The following INTS4 variants were observed in gnomAD, a reference collection of about 807,000 sequenced individuals.
INTS4 encodes the protein integrator complex subunit 4.
In INTS4, 70 loss-of-function variants were observed where a neutral mutation model predicts 119.5. The observed-to-expected ratio is 0.59, with a 90% CI of 0.48 to 0.71. The LOEUF is 0.71. INTS4 is among the 30% of genes least tolerant of loss of function. INTS4 has a pLI of 0.00. For missense variants in INTS4, 867 were observed against 1,173.2 expected (o/e 0.74, Z 3.81); for synonymous variants, 316 against 419.6 (o/e 0.75, Z 3.02).
At chr11:77,933,981 G>A (rs1009970002) in intron 10 of INTS4, among the ~76,000 whole-genome samples, 3 of 152,180 alleles carry the variant, frequency 2.0e-5, no homozygotes, top group African/African-American at 4.8e-5. Context: ...GGATGGAGGG[G>A]TCGGATTGTT....
chr11:77,904,831 T>C (rs1401080934), intron 16 of INTS4, among the ~76,000 whole-genome samples: 4 of 152,216 alleles, frequency 2.6e-5, no homozygotes, highest in African/African-American at 9.6e-5. Flanking sequence ...TGCAGGATAG[T>C]TGCATCATGT....
intron 4 of INTS4, among the ~76,000 whole-genome samples, chr11:77,972,493 T>C (rs1054878247): frequency 4.6e-5 from 7 of 151,986 alleles, no homozygotes; most frequent in Non-Finnish European, 7.4e-5. Flanking sequence ...CACAGCTCAC[T>C]GCAACCTCCG....
chr11:77,976,680 T>A (rs1018114599), intron 4 of INTS4, among the ~76,000 whole-genome samples: 2 of 152,182 alleles, frequency 1.3e-5, no homozygotes, highest in South Asian at 4.1e-4. Context: ...CCAACCCAAA[T>A]GTCCAACAAT....
chr11:77,881,193 G>A (rs1043151842), intron 22 of INTS4, among the ~76,000 whole-genome samples: 2 of 152,184 alleles, frequency 1.3e-5, no homozygotes, highest in African/African-American at 4.8e-5. Flanking sequence ...CTCCTAGCAG[G>A]TTTATATTCT....
At chr11:77,885,800 A>T (rs1394009447) in intron 21 of INTS4, among the ~76,000 whole-genome samples, 1 of 152,040 alleles carries the variant, frequency 6.6e-6, no homozygotes, top group African/African-American at 2.4e-5. Flanking sequence ...AGCCTGGGTG[A>T]CAGAGTGAGA....
At chr11:77,914,579 G>A (rs1953163792) in intron 15 of INTS4, among the ~76,000 whole-genome samples, 1 of 152,126 alleles carries the variant, frequency 6.6e-6, no homozygotes, top group Non-Finnish European at 1.5e-5. Context: ...TTACAGCAGG[G>A]TCAGCAAATT....
Position 77,946,574 on chromosome 11 carries a change from C to T in INTS4, c.919-5323G>A, listed in dbSNP as rs577491331. Among the ~76,000 whole-genome samples the T allele has an allele frequency of 3.4e-4, 51 of 152,020 alleles. No homozygotes were observed. In the Middle Eastern group the frequency reaches 0.01, roughly 30 times the overall value. ...CTCAGGAGTTCAAGACCATTCTGGG[C>T]AACATGGCAAAACCCGTCTCTACAA... On this transcript the variant is annotated intron_variant, in intron 8 of 22. Coordinates refer to ENST00000534064, the MANE Select transcript of INTS4 (RefSeq NM_033547.4).
At chr11:77,982,504 G>A (rs1437302509) in intron 2 of INTS4, among the ~76,000 whole-genome samples, 2 of 152,096 alleles carry the variant, frequency 1.3e-5, no homozygotes, top group African/African-American at 4.8e-5. Context: ...GACTGTCTGA[G>A]TGTAAGTCTT....
intron 2 of INTS4, 133 bp downstream of exon 2, chr11:77,990,970 TCCATA>T (rs1856660178): frequency 1.5e-6 from 1 of 679,062 alleles, no homozygotes; most frequent in East Asian, 2.7e-5. Flanking sequence ...TATCTCGGTA[TCCATA>T]GTACCTAGCA....
chr11:77,931,608 C>A (rs1419057165), intron 10 of INTS4, among the ~76,000 whole-genome samples: 1 of 151,960 alleles, frequency 6.6e-6, no homozygotes, highest in Non-Finnish European at 1.5e-5. Flanking sequence ...TAGTATGGAA[C>A]CAAAAAAGGG....
At chr11:77,897,402 G>A (rs1176165380) in intron 18 of INTS4, among the ~76,000 whole-genome samples, 1 of 151,192 alleles carries the variant, frequency 6.6e-6, no homozygotes, top group African/African-American at 2.4e-5. Flanking sequence ...CAAGGATTAT[G>A]TACTTATAAC....
At position 77,963,717 on chromosome 11, in the gene INTS4, T is replaced by C. The variant is rs148738669; in HGVS notation, c.472-2579A>G. On this transcript the variant is annotated intron_variant, in intron 4 of 22. Transcript: ENST00000534064. ...TTTTCTTTTGAGATAAGGGTCTCGCTCTGTCACCCAGGCTGGAGTGCAGTG... is the reference window on the plus strand; with the variant it reads ...TTTTCTTTTGAGATAAGGGTCTCGCCCTGTCACCCAGGCTGGAGTGCAGTG... 7.9e-5 allele frequency among the ~76,000 whole-genome samples: 12 copies of C among 152,256 alleles called. No homozygotes were observed. In the East Asian group the frequency reaches 2.3e-3, roughly 29 times the overall value.
chr11:77,967,222 C>T (rs921516830), intron 4 of INTS4, among the ~76,000 whole-genome samples: 1 of 152,134 alleles, frequency 6.6e-6, no homozygotes, highest in Admixed American at 6.5e-5. Flanking sequence ...ATTATAACTG[C>T]ATTTGGAGGT....
intron 10 of INTS4, among the ~76,000 whole-genome samples, chr11:77,933,050 A>G (rs931160407): frequency 2.0e-5 from 3 of 152,040 alleles, no homozygotes; most frequent in Non-Finnish European, 4.4e-5. Flanking sequence ...TGGCACGTGT[A>G]TACCTATGTA....
chr11:77,897,067 C>T (rs1213782031), intron 18 of INTS4, among the ~76,000 whole-genome samples: 3 of 151,680 alleles, frequency 2.0e-5, no homozygotes, highest in South Asian at 4.2e-4. Context: ...TCTGGTGTGG[C>T]GGGGGTTGCC....
chr11:77,948,441 G>T (rs1954100290), intron 8 of INTS4, among the ~76,000 whole-genome samples: 1 of 152,108 alleles, frequency 6.6e-6, no homozygotes, highest in Admixed American at 6.5e-5. Context: ...GAGGCCAGGA[G>T]TTTGAGACCA....
At chr11:77,905,812 T>C (rs994912718) in intron 16 of INTS4, among the ~76,000 whole-genome samples, 1 of 152,218 alleles carries the variant, frequency 6.6e-6, no homozygotes, top group African/African-American at 2.4e-5. Flanking sequence ...CAAAGTGATA[T>C]GCATTTATAC....
At chr11:77,959,627 G>A (rs974130993) in intron 6 of INTS4, among the ~76,000 whole-genome samples, 1 of 152,028 alleles carries the variant, frequency 6.6e-6, no homozygotes, top group Non-Finnish European at 1.5e-5. Flanking sequence ...AAAAGAAGGC[G>A]ATGGTCACAC....
At chr11:77,881,942 T>C (rs1179523169) in intron 22 of INTS4, among the ~76,000 whole-genome samples, 2 of 151,912 alleles carry the variant, frequency 1.3e-5, no homozygotes, top group African/African-American at 2.4e-5. Flanking sequence ...GTCAGGGTCT[T>C]GCTCTGTTAC....
Sources: gnomAD v4.1 joint callset for allele counts (sites outside exome capture counted in the v4.1 genomes callset) on GRCh38, gnomAD v4.1.1 for gene constraint, MANE v1.5 for transcripts, NCBI Gene and HGNC (gene_info 2026-07-23, HGNC 2026-07-21) for gene names.